The following JADE2 variants were observed in gnomAD, a reference collection of about 807,000 sequenced individuals.
JADE2 encodes the protein E3 ubiquitin-protein ligase Jade-2.
A neutral mutation model predicts 85.7 loss-of-function variants in JADE2; 13 were observed. The ratio of observed to expected loss-of-function variants is 0.15; its 90% CI spans 0.10 to 0.24. The LOEUF (loss-of-function observed/expected upper bound fraction) is 0.24. JADE2 is among the 10% of genes least tolerant of loss of function. The pLI is 1.00. For synonymous variants in JADE2, 440 were observed against 456.1 expected, an observed-to-expected ratio of 0.96 and a Z score of 0.45; for missense variants, 846 against 1,115.9, an observed-to-expected ratio of 0.76 and a Z score of 3.45.
chr5:134,563,883 G>C (rs995113710), intron 7 of JADE2, among the ~76,000 whole-genome samples: 1 of 152,158 alleles, frequency 6.6e-6, no homozygotes, highest in Admixed American at 6.5e-5. Context: ...GCAATGGGGA[G>C]ACAAATGTGC....
At chr5:134,573,182 G>T (rs1370061485) in intron 9 of JADE2, among the ~76,000 whole-genome samples, 2 of 152,248 alleles carry the variant, frequency 1.3e-5, no homozygotes, top group African/African-American at 2.4e-5. Context: ...GAATTTCTTT[G>T]CTGGGAAAGA....
chr5:134,559,871 C>T lies in JADE2; in HGVS notation c.353C>T (p.Pro118Leu), dbSNP rs115657900. 3.7e-5 allele frequency: 60 copies of T among 1,613,522 alleles called. No homozygotes were observed. The highest frequency in any genetic ancestry group is 3.6e-4 in the South Asian group (33 of 90,994). ...PLEGPPAQAS[P>L]SSTMLGEGSQ... The stretch of plus-strand genomic sequence containing the variant: ...GAAGGCCCCCCTGCCCAGGCATCCC[C>T]GAGCAGCACCATGCTTGGTGAGGGC... The change falls in exon 5 of 12, where the codon CCG becomes CTG. Residue 118 changes from proline (P) to leucine (L), a missense_variant. Coordinates refer to ENST00000681547, the MANE Select transcript of JADE2 (RefSeq NM_001388185.1).
In JADE2 at chr5:134,562,595, A is replaced by G. The variant is rs1281683643; in HGVS notation, c.852+228A>G. Reference sequence around the variant, plus strand: ...CAAGACCAGCCTGGCCAACATAGCAAAACCCCCTCTCTACAAAAATTAGGA... The same window carrying G: ...CAAGACCAGCCTGGCCAACATAGCAGAACCCCCTCTCTACAAAAATTAGGA... On this transcript the variant is annotated intron_variant, in intron 7 of 11. Transcript: ENST00000681547. The surrounding 1 kb of genome is among the most constrained non-coding windows in gnomAD (Gnocchi z 4.6). 6.6e-6 allele frequency among the ~76,000 whole-genome samples: 1 copy of G among 152,070 alleles called. No individual in the cohort carries two copies. The highest frequency in any genetic ancestry group is 6.6e-5 in the Admixed American group (1 of 15,262).
chr5:134,556,014 G>A (rs543449329), intron 4 of JADE2, among the ~76,000 whole-genome samples: 1 of 152,230 alleles, frequency 6.6e-6, no homozygotes, highest in South Asian at 2.1e-4. Context: ...CTGCCTCCCC[G>A]TCTCCTTCAT....
chr5:134,546,528 G>C (rs920895178), intron 3 of JADE2, among the ~76,000 whole-genome samples: 4 of 152,190 alleles, frequency 2.6e-5, no homozygotes, highest in African/African-American at 9.7e-5. Context: ...AGCACTTTGG[G>C]AGGCTGAGGT....
intron 4 of JADE2, among the ~76,000 whole-genome samples, chr5:134,558,788 T>G (rs920103886): frequency 1.3e-5 from 2 of 152,252 alleles, no homozygotes; most frequent in Non-Finnish European, 1.5e-5. Context: ...TTCACCCGCC[T>G]TGGACTCCCA....
chr5:134,545,748 T>C (rs1581420095), intron 3 of JADE2, among the ~76,000 whole-genome samples: 1 of 152,250 alleles, frequency 6.6e-6, no homozygotes, highest in East Asian at 1.9e-4. Flanking sequence ...TTTAACATAA[T>C]ACCTGACATG....
At chr5:134,531,785 A>G (rs1156631615) in intron 1 of JADE2, among the ~76,000 whole-genome samples, 1 of 149,442 alleles carries the variant, frequency 6.7e-6, no homozygotes, top group Non-Finnish European at 1.5e-5. Context: ...GTTTCACCAC[A>G]TTAGCCAGGC....
chr5:134,559,386 C>A (rs1478770173), intron 4 of JADE2, among the ~76,000 whole-genome samples: 1 of 152,218 alleles, frequency 6.6e-6, no homozygotes, highest in Non-Finnish European at 1.5e-5. Context: ...GCTGGCACTA[C>A]CTCACTTGTT....
intron 4 of JADE2, among the ~76,000 whole-genome samples, chr5:134,553,887 G>T (rs746235513): frequency 1.4e-4 from 21 of 152,310 alleles, no homozygotes; most frequent in Non-Finnish European, 2.1e-4. Context: ...CCTGGGTCTT[G>T]CCTCCAGCTA....
At chr5:134,564,420 A>G (rs558599535) in intron 7 of JADE2, 74 bp from the exon 8 acceptor site, 9 of 968,310 alleles carry the variant, frequency 9.3e-6, no homozygotes, top group South Asian at 5.4e-5. Context: ...TCAGCAGACA[A>G]ACCCCCATTT....
At chr5:134,556,860 A>C (rs1214343461) in intron 4 of JADE2, among the ~76,000 whole-genome samples, 57 of 79,408 alleles carry the variant, frequency 7.2e-4, no homozygotes, top group Non-Finnish European at 9.0e-4. Context: ...ACACGCACAC[A>C]CCACACACAC....
In JADE2 at chr5:134,534,902, G is replaced by A. The variant is rs560089029; in HGVS notation, c.1-956G>A. 1.2e-4 allele frequency among the ~76,000 whole-genome samples: 18 copies of A among 152,342 alleles called. No homozygotes were observed. In the East Asian group the frequency reaches 3.1e-3, roughly 26 times the overall value. On this transcript the variant is annotated intron_variant, in intron 1 of 11. Coordinates refer to ENST00000681547, the MANE Select transcript of JADE2 (RefSeq NM_001388185.1). ...GGGATGAGAGCAGGCTCTGCCACCT[G>A]GGACTCGTGAGGATTATAGGAAACA... is the stretch of plus-strand genomic sequence containing the variant.
chr5:134,533,714 G>T, intron 1 of JADE2: 1 of 176,012 alleles, frequency 5.7e-6, no homozygotes, highest in Non-Finnish European at 1.1e-5. Flanking sequence ...GATTCTGTCA[G>T]TCAGCCTTTG....
intron 9 of JADE2, among the ~76,000 whole-genome samples, chr5:134,572,292 A>G (rs1281159946): frequency 2.0e-5 from 3 of 152,214 alleles, no homozygotes; most frequent in Non-Finnish European, 4.4e-5. Flanking sequence ...CTGAGGGCGC[A>G]CACACCAGCG....
chr5:134,543,723 T>G (rs752908607), intron 3 of JADE2, among the ~76,000 whole-genome samples: 24 of 152,162 alleles, frequency 1.6e-4, no homozygotes, highest in Admixed American at 9.8e-4. Context: ...TGCCATAGAC[T>G]TTTCCCTTCC....
At position 134,578,153 on chromosome 5, in the gene JADE2, A is replaced by G. The variant is rs576257465; in HGVS notation, c.1682-341A>G. Among the ~76,000 whole-genome samples the G allele has an allele frequency of 2.6e-5, 4 of 152,220 alleles. No individual in the cohort carries two copies. Among genetic ancestry groups the G allele is most frequent in the Non-Finnish European group, 4.4e-5 (3 of 68,044 alleles). ...ATGGCAGGCTTTCTGGTAAAATCCA[A>G]AAAACCTGCTAGACAAACTAAAAGA... On this transcript the variant is annotated intron_variant, in intron 11 of 11. Coordinates refer to ENST00000681547, the MANE Select transcript of JADE2 (RefSeq NM_001388185.1). This position sits in a 1 kb window ranked among gnomAD's most constrained non-coding sequence, Gnocchi z 4.4.
At chr5:134,556,411 AACAC>A (rs963091982) in intron 4 of JADE2, among the ~76,000 whole-genome samples, 1 of 151,450 alleles carries the variant, frequency 6.6e-6, no homozygotes, top group Non-Finnish European at 1.5e-5. Flanking sequence ...CCAAGGTCTC[AACAC>A]ACACACACAC....
In JADE2 at chr5:134,578,828, C is replaced by T; in HGVS notation, c.2016C>T (p.Thr672=). The T allele has an allele frequency of 6.2e-7, 1 of 1,613,786 alleles. No individual in the cohort carries two copies. Among genetic ancestry groups the T allele is most frequent in the Middle Eastern group, 1.6e-4 (1 of 6,062 alleles). Residue 672 remains threonine (T), a synonymous_variant, in exon 12 of 12, where the codon ACC becomes ACT. Coordinates refer to ENST00000681547, the MANE Select transcript of JADE2 (RefSeq NM_001388185.1). This position sits in a 1 kb window ranked among gnomAD's most constrained non-coding sequence, Gnocchi z 4.4. ...CTCCAGACAAAGCCCCCAAGAAGACCTGGGGCCAGGATGCAGGCAGTGGCA... is the reference window on the plus strand; with the variant it reads ...CTCCAGACAAAGCCCCCAAGAAGACTTGGGGCCAGGATGCAGGCAGTGGCA... ...RTTPDKAPKK[T]WGQDAGSGKG...
Sources: allele counts gnomAD v4.1 joint callset (sites outside exome capture counted in the v4.1 genomes callset), GRCh38; gene constraint gnomAD v4.1.1; non-coding constraint Gnocchi (gnomAD v3.1); transcripts MANE v1.5; gene names NCBI Gene and HGNC (gene_info 2026-07-23, HGNC 2026-07-21).